The following ADAMTS8 variants were observed in gnomAD, a reference collection of about 807,000 sequenced individuals.
ADAMTS8 encodes ADAM metallopeptidase with thrombospondin type 1 motif 8, also known as A disintegrin and metalloproteinase with thrombospondin motifs 8.
In ADAMTS8, 50 loss-of-function variants were observed where a neutral mutation model predicts 64.4. The ratio of observed to expected loss-of-function variants is 0.78; its 90% CI spans 0.62 to 0.98. The LOEUF is 0.98. Ranked by LOEUF, ADAMTS8 falls within the 50% of genes least tolerant of loss-of-function variation. ADAMTS8 has a pLI of 0.00. For synonymous variants in ADAMTS8, 556 were observed against 533.6 expected (o/e 1.04, Z -0.58); for missense variants, 1,192 against 1,208.2 (o/e 0.99, Z 0.20).
rs200628700 is a variant in ADAMTS8 at position 130,405,526 on chromosome 11, A to C, written c.*32T>G. The C allele has an allele frequency of 6.4e-7, 1 of 1,560,140 alleles. No individual in the cohort carries two copies. The highest frequency in any genetic ancestry group is 1.8e-5 in the Admixed American group (1 of 54,770). On this transcript the variant is annotated 3_prime_UTR_variant, in exon 9 of 9. Transcript: ENST00000257359. ...GTCTGCACCTCAGTACCGCATGTCC[A>C]GGAGCACAAGACTGGCCCCTGCCCC...
chr11:130,428,035 G>C lies in ADAMTS8; in HGVS notation c.252C>G (p.Leu84=). 6.5e-7 allele frequency: 1 copy of C among 1,528,156 alleles called. No individual in the cohort carries two copies. Among genetic ancestry groups the C allele is most frequent in the Non-Finnish European group, 8.7e-7 (1 of 1,144,360 alleles). 94.7% of individuals were successfully genotyped at this position (1,528,156 alleles called of 1,614,324 possible). Residue 84 remains leucine, a synonymous_variant, in exon 1 of 9, where the codon CTC becomes CTG. Coordinates refer to ENST00000257359, the MANE Select transcript of ADAMTS8 (RefSeq NM_007037.6). Reference sequence around the variant, plus strand: ...CCCCGGTCGCCCGGCCGGAGCCCCCGAGGCGCTCGATCTTGAACTCGGGCG... The same window carrying C: ...CCCCGGTCGCCCGGCCGGAGCCCCCCAGGCGCTCGATCTTGAACTCGGGCG... ...FLAPEFKIER[L]GGSGRATGGE... is the part of the protein sequence containing the mutation.
intron 1 of ADAMTS8, among the ~76,000 whole-genome samples, chr11:130,421,529 A>G (rs556304323): frequency 3.3e-5 from 5 of 152,208 alleles, no homozygotes; most frequent in Admixed American, 3.3e-4. Flanking sequence ...CATTTTCAAG[A>G]AGGCTAGGAG....
chr11:130,417,810 T>C (rs1862047029), intron 2 of ADAMTS8, among the ~76,000 whole-genome samples: 1 of 152,094 alleles, frequency 6.6e-6, no homozygotes, highest in South Asian at 2.1e-4. Flanking sequence ...TTGGTTCTTT[T>C]TGTGTTTATG....
intron 1 of ADAMTS8, among the ~76,000 whole-genome samples, chr11:130,423,322 G>A (rs897333479): frequency 6.6e-6 from 1 of 152,200 alleles, no homozygotes; most frequent in Admixed American, 6.5e-5. Flanking sequence ...TGGAAAAGAT[G>A]CATTCTTTTG....
chr11:130,428,187 CGGCTGCGGGCCGGGCCG>C lies in ADAMTS8; in HGVS notation c.83_99del (p.Pro28ArgfsTer166). On this transcript the variant is annotated frameshift_variant, in exon 1 of 9. Transcript: ENST00000257359. LOFTEE classifies it high-confidence loss of function. ...ACCACCAGCTCCGAGGCCTGCCCCCCGGCTGCGGGCCGGGCCGGGGCGCCGCGGGCCAGCGGCAGCAG... is the reference window on the plus strand; with the variant it reads ...ACCACCAGCTCCGAGGCCTGCCCCCCGGGCGCCGCGGGCCAGCGGCAGCAG... 1.5e-6 allele frequency: 2 copies of C among 1,303,334 alleles called. No individual in the cohort carries two copies. Among genetic ancestry groups the C allele is most frequent in the Non-Finnish European group, 1.9e-6 (2 of 1,034,716 alleles). 80.7% of individuals were successfully genotyped at this position (1,303,334 alleles called of 1,614,324 possible).
intron 7 of ADAMTS8, 46 bp downstream of exon 7, chr11:130,408,722 G>A (rs768654125): frequency 2.5e-6 from 4 of 1,612,420 alleles, no homozygotes; most frequent in East Asian, 2.2e-5. Flanking sequence ...GGGGACAGGC[G>A]ACCTTCCTCC....
intron 1 of ADAMTS8, among the ~76,000 whole-genome samples, chr11:130,423,286 A>G (rs1238143685): frequency 6.6e-6 from 1 of 152,232 alleles, no homozygotes; most frequent in East Asian, 1.9e-4. Context: ...ATCTTTGATC[A>G]TTCTGACTGC....
intron 1 of ADAMTS8, among the ~76,000 whole-genome samples, chr11:130,423,694 AG>A (rs1367780972): frequency 6.6e-6 from 1 of 152,236 alleles, no homozygotes; most frequent in Non-Finnish European, 1.5e-5. Flanking sequence ...TCTGCTAAGA[AG>A]AGGACTCGAA....
At position 130,415,603 on chromosome 11, in the gene ADAMTS8, C is replaced by CTT. The variant is rs386375276; in HGVS notation, c.1264+558_1264+559dup. 9.4e-3 allele frequency among the ~76,000 whole-genome samples: 987 copies of CTT among 104,758 alleles called. 29 individuals are homozygous for CTT. Among genetic ancestry groups the CTT allele is most frequent in the African/African-American group, 0.034 (936 of 27,486 alleles). 68.7% of individuals were successfully genotyped at this position (104,758 alleles called of 152,430 possible). A position where few individuals can be genotyped will look rare whatever the true frequency, so the allele number is the denominator to read the frequency against. ...CGGGCAGAAGCCACTGCACCTGGCC[C>CTT]TTTTTTTTTTTTTTTTTTTTAAAGA... On this transcript the variant is annotated intron_variant, in intron 4 of 8. Transcript: ENST00000257359.
At chr11:130,427,474 T>TTTC in intron 1 of ADAMTS8, 93 bp downstream of exon 1, 2 of 811,562 alleles carry the variant, frequency 2.5e-6, no homozygotes, top group East Asian at 6.7e-5. Context: ...TTTTTTTTTT[T>TTTC]CTCAGAGGGA....
At chr11:130,415,513 C>A (rs776238545) in intron 4 of ADAMTS8, among the ~76,000 whole-genome samples, 1 of 151,026 alleles carries the variant, frequency 6.6e-6, no homozygotes, top group African/African-American at 2.4e-5. Context: ...CCATGTTGGA[C>A]GGGCTGGTCT....
chr11:130,423,205 C>T (rs1426808857), intron 1 of ADAMTS8, among the ~76,000 whole-genome samples: 1 of 152,228 alleles, frequency 6.6e-6, no homozygotes, highest in Non-Finnish European at 1.5e-5. Context: ...CCTATGCACA[C>T]CCCACCTCCT....
In ADAMTS8 at chr11:130,411,363, G is replaced by A. The variant is rs921482587; in HGVS notation, c.1750+54C>T. 18 of 1,582,770 alleles carry A rather than the reference G, an allele frequency of 1.1e-5. No homozygotes were observed. The highest frequency in any genetic ancestry group is 6.7e-5 in the African/African-American group (5 of 74,464). ...CACTTTACACATCCTCTGGGGATGCGTCATAGCAATGATAGTAGCTGCTCT... is the reference window on the plus strand; with the variant it reads ...CACTTTACACATCCTCTGGGGATGCATCATAGCAATGATAGTAGCTGCTCT... On this transcript the variant is annotated intron_variant, in intron 6 of 8. Transcript: ENST00000257359. The surrounding 1 kb of genome is among the most constrained non-coding windows in gnomAD (Gnocchi z 4.2).
At position 130,417,176 on chromosome 11, in the gene ADAMTS8, C is replaced by A; in HGVS notation, c.961-101G>T. On this transcript the variant is annotated intron_variant, in intron 2 of 8. Transcript: ENST00000257359. ...TGGCCAGCGTGCACGTGGGAGTGGA[C>A]CACTGAGCGTCCCATAACATGTTTG... The A allele has an allele frequency of 2.0e-6, 3 of 1,472,410 alleles. No homozygotes were observed. The East Asian group carries it at 6.9e-5, about 34-fold the overall frequency. 91.2% of individuals were successfully genotyped at this position (1,472,410 alleles called of 1,614,324 possible). A position where few individuals can be genotyped will look rare whatever the true frequency, so the allele number is the denominator to read the frequency against.
At chr11:130,413,802 A>G (rs143592682) in intron 5 of ADAMTS8, among the ~76,000 whole-genome samples, 34 of 152,292 alleles carry the variant, frequency 2.2e-4, no homozygotes, top group South Asian at 1.5e-3. Flanking sequence ...CGGGCAGGCT[A>G]TGAATACTTT....
intron 1 of ADAMTS8, 78 bp downstream of exon 1, chr11:130,427,489 A>T: frequency 2.0e-5 from 11 of 550,208 alleles, no homozygotes; most frequent in Non-Finnish European, 2.9e-5. Flanking sequence ...GAGGGATTGG[A>T]AGGGGAGATT....
chr11:130,414,022 G>A (rs1287514113), intron 5 of ADAMTS8, among the ~76,000 whole-genome samples: 1 of 150,152 alleles, frequency 6.7e-6, no homozygotes, highest in African/African-American at 2.4e-5. Flanking sequence ...GCCTTCACGG[G>A]CTCCTCACCG....
rs768264811 is a variant in ADAMTS8 at position 130,411,575 on chromosome 11, G to A, written c.1592C>T (p.Pro531Leu). The A allele has an allele frequency of 6.8e-6, 11 of 1,613,948 alleles. No homozygotes were observed. The highest frequency in any genetic ancestry group is 1.6e-4 in the Middle Eastern group (1 of 6,084). Reference sequence around the variant, plus strand: ...AGAACATTCTCCCCAGGGTCCCCACGGTGCCCAGCCTCCATCTGCCACGGG... The same window carrying A: ...AGAACATTCTCCCCAGGGTCCCCACAGTGCCCAGCCTCCATCTGCCACGGG... ...PKPVADGGWA[P>L]WGPWGECSRT... The change falls in exon 6 of 9, where the codon CCG (proline) becomes CTG (leucine). Residue 531 changes from proline to leucine, a missense_variant. Coordinates refer to ENST00000257359, the MANE Select transcript of ADAMTS8 (RefSeq NM_007037.6). The surrounding 1 kb of genome is among the most constrained non-coding windows in gnomAD (Gnocchi z 4.2).
chr11:130,420,163 C>G (rs181457178), intron 1 of ADAMTS8, among the ~76,000 whole-genome samples: 1 of 152,166 alleles, frequency 6.6e-6, no homozygotes, highest in Non-Finnish European at 1.5e-5. Context: ...TGGACAGCCC[C>G]GAAGGGTTCG....
Sources: allele counts gnomAD v4.1 joint callset (sites outside exome capture counted in the v4.1 genomes callset), GRCh38; gene constraint gnomAD v4.1.1; non-coding constraint Gnocchi (gnomAD v3.1); transcripts MANE v1.5; gene names NCBI Gene and HGNC (gene_info 2026-07-23, HGNC 2026-07-21).